UBXN4: variants seen among roughly 807,000 people sequenced by gnomAD.
UBXN4 encodes the protein UBX domain protein 4, also known as UBX domain-containing protein 4.
Under a neutral mutation model 66.2 loss-of-function variants are expected in UBXN4, and 35 were observed. That is an observed-to-expected ratio of 0.53 (90% CI 0.40 to 0.70). UBXN4 has a LOEUF of 0.70. Ranked by LOEUF, UBXN4 falls within the 30% of genes least tolerant of loss-of-function variation. The pLI, the probability that UBXN4 is intolerant of heterozygous loss-of-function variation, is 0.00. For synonymous variants in UBXN4, 203 were observed against 204.5 expected, an observed-to-expected ratio of 0.99 and a Z score of 0.06; for missense variants, 533 against 599.8, an observed-to-expected ratio of 0.89 and a Z score of 1.16.
At chr2:135,768,977 C>CT (rs570905294) in intron 6 of UBXN4, among the ~76,000 whole-genome samples, 134 of 152,196 alleles carry the variant, frequency 8.8e-4, no homozygotes, top group African/African-American at 3.0e-3. Flanking sequence ...GCTGAGATTA[C>CT]ACATGTGAGC....
At position 135,783,751 on chromosome 2, in the gene UBXN4, C is replaced by A. The variant is rs1017515240; in HGVS notation, c.*864C>A. ...ACTGACGTTTTGTCCTCAATAATTA[C>A]ACAAGGACCTAGAGTACCTATAGGA... On this transcript the variant is annotated 3_prime_UTR_variant, in exon 13 of 13. Coordinates refer to ENST00000272638, the MANE Select transcript of UBXN4 (RefSeq NM_014607.4). The A allele has an allele frequency of 1.3e-5, 2 of 152,140 alleles. No homozygotes were observed. Among genetic ancestry groups the A allele is most frequent in the Non-Finnish European group, 2.9e-5 (2 of 68,038 alleles). 9.4% of individuals were successfully genotyped at this position (152,140 alleles called of 1,614,324 possible).
At chr2:135,754,495 G>T (rs1193542744) in intron 4 of UBXN4, among the ~76,000 whole-genome samples, 5 of 152,016 alleles carry the variant, frequency 3.3e-5, no homozygotes, top group African/African-American at 1.2e-4. Flanking sequence ...GCTGATTTTT[G>T]TATTTTTAGT....
chr2:135,763,994 C>T (rs2077332263), intron 6 of UBXN4, among the ~76,000 whole-genome samples: 1 of 151,882 alleles, frequency 6.6e-6, no homozygotes, highest in South Asian at 2.1e-4. Context: ...GGGCATGGCA[C>T]GCATCTGTAG....
rs1360437850 is a variant in UBXN4 at position 135,772,483 on chromosome 2, G to T, written c.886G>T (p.Ala296Ser). The T allele has an allele frequency of 6.2e-7, 1 of 1,613,982 alleles. No homozygotes were observed. Among genetic ancestry groups the T allele is most frequent in the Non-Finnish European group, 8.5e-7 (1 of 1,179,970 alleles). ...TKEEVEAAKAAALLAKQAEME... is the reference protein window; with the variant it reads ...TKEEVEAAKASALLAKQAEME... Reference sequence around the variant, plus strand: ...GGAAGAAGTAGAGGCTGCCAAAGCTGCTGCCTTGCTAGCAAAACAGGCAGA... The same window carrying T: ...GGAAGAAGTAGAGGCTGCCAAAGCTTCTGCCTTGCTAGCAAAACAGGCAGA... The change falls in exon 9 of 13, where the codon GCT becomes TCT. Residue 296 changes from alanine (A) to serine (S), a missense_variant. Coordinates refer to ENST00000272638, the MANE Select transcript of UBXN4 (RefSeq NM_014607.4).
chr2:135,756,116 T>TA (rs1172801998), intron 5 of UBXN4, among the ~76,000 whole-genome samples: 1 of 152,056 alleles, frequency 6.6e-6, no homozygotes, highest in Non-Finnish European at 1.5e-5. Flanking sequence ...TGATTAGAGG[T>TA]AAAAGATAAT....
intron 6 of UBXN4, among the ~76,000 whole-genome samples, chr2:135,768,625 A>G (rs1375530288): frequency 6.6e-6 from 1 of 150,588 alleles, no homozygotes; most frequent in Non-Finnish European, 1.5e-5. Context: ...GTACGGTGAC[A>G]TGATCTCGGC....
At chr2:135,755,196 G>A (rs1054009799) in intron 4 of UBXN4, among the ~76,000 whole-genome samples, 4 of 151,866 alleles carry the variant, frequency 2.6e-5, no homozygotes, top group African/African-American at 7.3e-5. Context: ...TTTTAAGGAC[G>A]TTATACTCAA....
At chr2:135,778,916 C>A in intron 10 of UBXN4, 32 bp from the exon 11 acceptor site, 1 of 1,564,264 alleles carries the variant, frequency 6.4e-7, no homozygotes, top group Non-Finnish European at 8.6e-7. Context: ...CTTTTAAAGG[C>A]ACTCTTTAAG....
At chr2:135,769,860 A>T in intron 7 of UBXN4, 37 bp downstream of exon 7, 3 of 1,533,026 alleles carry the variant, frequency 2.0e-6, no homozygotes, top group Non-Finnish European at 2.6e-6. Context: ...TTGTCCTCTC[A>T]TTAACTGAGG....
chr2:135,773,397 G>A (rs534180613), intron 9 of UBXN4, among the ~76,000 whole-genome samples: 4 of 152,144 alleles, frequency 2.6e-5, no homozygotes, highest in Non-Finnish European at 4.4e-5. Context: ...TTGAATTCAC[G>A]ATCCCAGACA....
intron 9 of UBXN4, among the ~76,000 whole-genome samples, chr2:135,773,063 G>A (rs929058277): frequency 4.7e-5 from 7 of 148,404 alleles, no homozygotes; most frequent in Admixed American, 3.4e-4. Flanking sequence ...AAAAAAGAGG[G>A]CCCAATAAAT....
At chr2:135,748,242 T>G (rs1448359398) in intron 1 of UBXN4, 25 bp from the exon 2 acceptor site, 1 of 1,520,996 alleles carries the variant, frequency 6.6e-7, no homozygotes, top group East Asian at 2.4e-5. Context: ...CAGCCTGGTA[T>G]AAGAATTTTT....
At chr2:135,765,045 C>G (rs1285025239) in intron 6 of UBXN4, among the ~76,000 whole-genome samples, 1 of 152,102 alleles carries the variant, frequency 6.6e-6, no homozygotes, top group East Asian at 1.9e-4. Context: ...AACTCCTGGC[C>G]TCAAATAATC....
intron 8 of UBXN4, among the ~76,000 whole-genome samples, chr2:135,771,814 C>G (rs978645214): frequency 2.0e-5 from 3 of 152,120 alleles, no homozygotes; most frequent in Admixed American, 1.3e-4. Context: ...CCACCCACCT[C>G]GGCCTCCCAA....
At chr2:135,742,099 TC>T in intron 1 of UBXN4, 88 bp downstream of exon 1, 2 of 1,448,098 alleles carry the variant, frequency 1.4e-6, no homozygotes, top group Non-Finnish European at 1.9e-6. Flanking sequence ...CGGCCCGCCC[TC>T]CCCGAGACGC....
intron 8 of UBXN4, 49 bp downstream of exon 8, chr2:135,770,784 G>T (rs780148027): frequency 7.1e-7 from 1 of 1,409,138 alleles, no homozygotes; most frequent in Non-Finnish European, 9.3e-7. Flanking sequence ...TCTGTGCACA[G>T]TAGCTTTAGA....
intron 6 of UBXN4, among the ~76,000 whole-genome samples, chr2:135,764,897 C>T (rs1024957275): frequency 5.3e-5 from 8 of 152,208 alleles, no homozygotes; most frequent in African/African-American, 1.9e-4. Context: ...TCACTGCAAC[C>T]TCCTCCACCC....
At chr2:135,754,299 G>A (rs761041726) in intron 4 of UBXN4, 22 bp downstream of exon 4, 1 of 1,570,484 alleles carries the variant, frequency 6.4e-7, no homozygotes, top group South Asian at 1.1e-5. Flanking sequence ...CAGAACTGTT[G>A]TTTCCGTAAA....
rs551747249 is a variant in UBXN4 at position 135,743,590 on chromosome 2, C to CA, written c.82+1586dup. Among the ~76,000 whole-genome samples, 142 of 152,094 alleles carry CA rather than the reference C, an allele frequency of 9.3e-4. 1 individual carries two copies. Among genetic ancestry groups the CA allele is most frequent in the African/African-American group, 3.2e-3 (132 of 41,500 alleles). ...TAACAGTCAAATTTTTTAGTAGCTT[C>CA]AAAAAAACTGGCTTTTTTGTTTCTT... is the stretch of plus-strand genomic sequence containing the variant. On this transcript the variant is annotated intron_variant, in intron 1 of 12. Coordinates refer to ENST00000272638, the MANE Select transcript of UBXN4 (RefSeq NM_014607.4).
Sources: gnomAD v4.1 joint callset for allele counts (sites outside exome capture counted in the v4.1 genomes callset) on GRCh38, gnomAD v4.1.1 for gene constraint, MANE v1.5 for transcripts, NCBI Gene and HGNC (gene_info 2026-07-23, HGNC 2026-07-21) for gene names.